STON2: variants seen among roughly 807,000 people sequenced by gnomAD.
STON2 encodes stonin 2.
A neutral mutation model predicts 65.7 loss-of-function variants in STON2; 29 were observed. The ratio of observed to expected loss-of-function variants is 0.44; its 90% CI spans 0.33 to 0.60. STON2 has a LOEUF of 0.60. Ranked by LOEUF, STON2 falls within the 20% of genes least tolerant of loss-of-function variation. STON2 has a pLI of 0.03. For synonymous variants in STON2, 404 were observed against 414.2 expected (o/e 0.98, Z 0.30); for missense variants, 1,054 against 1,118.1 (o/e 0.94, Z 0.82).
At chr14:81,415,768 A>G (rs1001080982) in intron 2 of STON2, among the ~76,000 whole-genome samples, 2 of 152,224 alleles carry the variant, frequency 1.3e-5, no homozygotes, top group Admixed American at 1.3e-4. Context: ...ATGATTATAC[A>G]CTTAAGGTTT....
chr14:81,430,041 G>C (rs1287991395), intron 1 of STON2, among the ~76,000 whole-genome samples: 1 of 152,016 alleles, frequency 6.6e-6, no homozygotes, highest in African/African-American at 2.4e-5. Context: ...GAAAAGACTT[G>C]TGGACCAGTG....
At chr14:81,396,237 C>T (rs959256300) in intron 2 of STON2, 59 bp from the exon 3 acceptor site, 17 of 1,519,790 alleles carry the variant, frequency 1.1e-5, no homozygotes, top group Non-Finnish European at 1.5e-5. Flanking sequence ...AGAGCCATCT[C>T]ATGGAGGCAA....
chr14:81,316,394 T>C (rs536437274), intron 5 of STON2, among the ~76,000 whole-genome samples: 1 of 152,350 alleles, frequency 6.6e-6, no homozygotes, highest in East Asian at 1.9e-4. Flanking sequence ...AAATCTCACA[T>C]TGTTAAACAC....
chr14:81,398,184 C>A, intron 2 of STON2, 111 bp downstream of exon 2: 2 of 689,378 alleles, frequency 2.9e-6, no homozygotes, highest in Non-Finnish European at 4.7e-6. Context: ...AGAAACTGAC[C>A]CTTTTTTCTA....
At chr14:81,408,396 T>A (rs1446172586) in intron 2 of STON2, among the ~76,000 whole-genome samples, 2 of 151,726 alleles carry the variant, frequency 1.3e-5, no homozygotes, top group African/African-American at 4.8e-5. Flanking sequence ...GAGAAAGAAG[T>A]CCAAAAGAAA....
At chr14:81,293,691 C>T (rs1479401915) in intron 5 of STON2, among the ~76,000 whole-genome samples, 1 of 152,234 alleles carries the variant, frequency 6.6e-6, no homozygotes, top group East Asian at 1.9e-4. Flanking sequence ...CCTTCTTTTG[C>T]TATACTTGGA....
At chr14:81,416,571 T>G (rs11850462) in intron 2 of STON2, among the ~76,000 whole-genome samples, 32,019 of 152,074 alleles carry the variant, frequency 0.21, 5,100 homozygotes, top group African/African-American at 0.43. Flanking sequence ...ACGAAGAGTG[T>G]GTACCACACA....
intron 4 of STON2, among the ~76,000 whole-genome samples, chr14:81,365,540 G>A (rs1160522599): frequency 6.6e-6 from 1 of 152,086 alleles, no homozygotes; most frequent in South Asian, 2.1e-4. Flanking sequence ...CAGATCACTT[G>A]AGGTTAGGAG....
chr14:81,277,053 A>G lies in STON2; in HGVS notation c.2429T>C (p.Leu810Ser), dbSNP rs767503827. ...TGCCCCCCGGTTCACTTTGGCTTTC[A>G]AAGACTTTTCCCCCAGGACACTTTC... ...RRESVLGEKS[L>S]KAKVNRGASF... is the part of the protein sequence containing the mutation. The change falls in exon 6 of 8, where the codon TTG becomes TCG. Residue 810 changes from leucine to serine, a missense_variant. Physicochemically the swap from Leu to Ser is moderately radical, Grantham distance 145. Transcript: ENST00000614646. 4 of 1,614,204 alleles carry G rather than the reference A, an allele frequency of 2.5e-6. No homozygotes were observed. In the Admixed American group the frequency reaches 6.7e-5, roughly 27 times the overall value.
intron 3 of STON2, 68 bp downstream of exon 3, chr14:81,395,826 A>G: frequency 6.5e-7 from 1 of 1,531,360 alleles, no homozygotes; most frequent in Non-Finnish European, 9.0e-7. Context: ...TGGCAGCCCT[A>G]TAGACCTCTC....
intron 2 of STON2, among the ~76,000 whole-genome samples, chr14:81,410,813 A>G (rs563704669): frequency 1.3e-4 from 20 of 152,348 alleles, no homozygotes; most frequent in African/African-American, 4.1e-4. Flanking sequence ...AGGAGAATTT[A>G]CTCCAGAGCT....
At position 81,270,687 on chromosome 14, in the gene STON2, CA is replaced by C; in HGVS notation, c.2766del (p.Ala923HisfsTer15). On this transcript the variant is annotated frameshift_variant, in exon 7 of 8. Transcript: ENST00000614646. LOFTEE classifies it high-confidence loss of function. Reference sequence around the variant, plus strand: ...AAGGCTACCTGGTAGCTGTAGTGTGCAGAATAATTGACCCACTTCCTGACGT... The same window carrying C: ...AAGGCTACCTGGTAGCTGTAGTGTGCGAATAATTGACCCACTTCCTGACGT... ...KTDVRKWVNY[S>X]AHYSYQVEIE... 1 of 1,614,160 alleles carries C rather than the reference CA, an allele frequency of 6.2e-7. No individual in the cohort carries two copies. The highest frequency in any genetic ancestry group is 8.5e-7 in the Non-Finnish European group (1 of 1,180,040).
At chr14:81,283,592 G>A (rs556976074) in intron 5 of STON2, among the ~76,000 whole-genome samples, 9 of 149,672 alleles carry the variant, frequency 6.0e-5, no homozygotes, top group African/African-American at 1.2e-4. Flanking sequence ...ATGCAGTGGC[G>A]CTATCTCGGC....
At chr14:81,374,788 G>C (rs536274884) in intron 3 of STON2, among the ~76,000 whole-genome samples, 1 of 152,200 alleles carries the variant, frequency 6.6e-6, no homozygotes, top group South Asian at 2.1e-4. Context: ...CTAAGGAGAG[G>C]AGAAAGAAAA....
Position 81,270,883 on chromosome 14 carries a change from A to C in STON2, c.2582-11T>G. The C allele has an allele frequency of 1.2e-6, 2 of 1,611,506 alleles. No homozygotes were observed. Among genetic ancestry groups the C allele is most frequent in the South Asian group, 2.2e-5 (2 of 90,968 alleles). On this transcript the variant is annotated splice_polypyrimidine_tract_variant and intron_variant, in intron 6 of 7. Transcript: ENST00000614646. ...GTGGGTGACCGGAAGCTATGAAAGA[A>C]AGACAATCGAGAGATCAGATTATTT...
Position 81,294,130 on chromosome 14 carries a change from C to T in STON2, c.743-15391G>A, listed in dbSNP as rs56030395. ...ATAGATGAAAAGATCCTTGCAGCAA[C>T]CATGGCAGATATAAATTCCTAGAAC... On this transcript the variant is annotated intron_variant, in intron 5 of 7. Transcript: ENST00000614646. 3.9e-3 allele frequency among the ~76,000 whole-genome samples: 593 copies of T among 152,302 alleles called. 1 individual carries two copies. Among genetic ancestry groups the T allele is most frequent in the Non-Finnish European group, 6.6e-3 (448 of 68,028 alleles).
chr14:81,310,959 G>GAC (rs1896401267), intron 5 of STON2, among the ~76,000 whole-genome samples: 1 of 152,050 alleles, frequency 6.6e-6, no homozygotes, highest in Non-Finnish European at 1.5e-5. Flanking sequence ...CTATGTCTCT[G>GAC]TCTTCTATGG....
At chr14:81,271,432 A>G (rs898938331) in intron 6 of STON2, among the ~76,000 whole-genome samples, 1 of 152,200 alleles carries the variant, frequency 6.6e-6, no homozygotes, top group Non-Finnish European at 1.5e-5. Context: ...ACTGGACAAA[A>G]CACCAACCAG....
At chr14:81,303,744 T>C (rs1231841646) in intron 5 of STON2, among the ~76,000 whole-genome samples, 1 of 152,148 alleles carries the variant, frequency 6.6e-6, no homozygotes, top group African/African-American at 2.4e-5. Context: ...ATATTTACAG[T>C]TTATATGTGA....
Sources: allele counts gnomAD v4.1 joint callset (sites outside exome capture counted in the v4.1 genomes callset), GRCh38; gene constraint gnomAD v4.1.1; transcripts MANE v1.5; gene names NCBI Gene and HGNC (gene_info 2026-07-23, HGNC 2026-07-21).